AGO3: variants seen among roughly 807,000 people sequenced by gnomAD.
AGO3 encodes the protein argonaute RISC catalytic component 3.
Under a neutral mutation model 105.5 loss-of-function variants are expected in AGO3, and 16 were observed. The observed-to-expected ratio is 0.15, with a 90% confidence interval of 0.10 to 0.23. The LOEUF (loss-of-function observed/expected upper bound fraction) is 0.23. Ranked by LOEUF, AGO3 falls within the 10% of genes least tolerant of loss-of-function variation. AGO3 has a pLI of 1.00. For synonymous variants in AGO3, 340 were observed against 367.3 expected, an observed-to-expected ratio of 0.93 and a Z score of 0.85; for missense variants, 534 against 1,088.0, an observed-to-expected ratio of 0.49 and a Z score of 7.16.
intron 1 of AGO3, 76 bp downstream of exon 1, chr1:35,931,521 C>A: frequency 7.6e-7 from 1 of 1,315,074 alleles, no homozygotes; most frequent in Non-Finnish European, 9.8e-7. Context: ...TCCTCCCGCC[C>A]GGCCCAGGTG....
At chr1:35,953,892 A>G (rs1646518314) in intron 2 of AGO3, among the ~76,000 whole-genome samples, 1 of 152,156 alleles carries the variant, frequency 6.6e-6, no homozygotes, top group Admixed American at 6.6e-5. Flanking sequence ...AAAGTCCCTT[A>G]TTAGATATAT....
Position 35,991,476 on chromosome 1 carries a change from ATTTC to A in AGO3, c.659-12861_659-12858del, listed in dbSNP as rs544316740. On this transcript the variant is annotated intron_variant, in intron 5 of 18. Coordinates refer to ENST00000373191, the MANE Select transcript of AGO3 (RefSeq NM_024852.4). ...CCTTTTGTCTTTGTTCTATAATCTTATTTCTTTTTAAAAAATTTTCAGAATCTTC... is the reference window on the plus strand; with the variant it reads ...CCTTTTGTCTTTGTTCTATAATCTTATTTTTAAAAAATTTTCAGAATCTTC... Among the ~76,000 whole-genome samples the A allele has an allele frequency of 1.5e-3, 228 of 150,490 alleles. 1 individual carries two copies. Among genetic ancestry groups the A allele is most frequent in the African/African-American group, 3.8e-3 (155 of 41,110 alleles).
intron 17 of AGO3, among the ~76,000 whole-genome samples, chr1:36,043,871 AAGAG>A (rs779089418): frequency 5.9e-4 from 90 of 152,170 alleles, no homozygotes; most frequent in Non-Finnish European, 1.0e-3. Context: ...TTAAAAAAAA[AAGAG>A]AGAGAGAGAA....
At chr1:36,001,909 C>T (rs1056259462) in intron 5 of AGO3, among the ~76,000 whole-genome samples, 1 of 151,956 alleles carries the variant, frequency 6.6e-6, no homozygotes, top group African/African-American at 2.4e-5. Flanking sequence ...TATGATGAAA[C>T]TTTATTCATG....
rs778903917 is a variant in AGO3 at position 36,055,157 on chromosome 1, G to A, written c.2474+12G>A. ...AAAGAACATGACAGGTAATATAAAAGCATAACAGGTTCTCACCCAAATCCC... is the reference window on the plus strand; with the variant it reads ...AAAGAACATGACAGGTAATATAAAAACATAACAGGTTCTCACCCAAATCCC... On this transcript the variant is annotated intron_variant, in intron 18 of 18. Coordinates refer to ENST00000373191, the MANE Select transcript of AGO3 (RefSeq NM_024852.4). The surrounding 1 kb of genome is among the most constrained non-coding windows in gnomAD (Gnocchi z 4.4). The A allele has an allele frequency of 6.3e-7, 1 of 1,576,718 alleles. No homozygotes were observed. The highest frequency in any genetic ancestry group is 8.6e-7 in the Non-Finnish European group (1 of 1,159,628).
intron 12 of AGO3, among the ~76,000 whole-genome samples, chr1:36,028,959 G>T (rs1641641747): frequency 1.3e-5 from 2 of 152,144 alleles, no homozygotes; most frequent in African/African-American, 4.8e-5. Flanking sequence ...GGGATTACAG[G>T]TGTGAGCCAC....
intron 2 of AGO3, among the ~76,000 whole-genome samples, chr1:35,962,967 TA>T (rs1646705620): frequency 6.6e-6 from 1 of 152,220 alleles, no homozygotes; most frequent in African/African-American, 2.4e-5. Context: ...TTATACCGAT[TA>T]GGCTAACAAA....
At chr1:35,995,519 C>T (rs921149777) in intron 5 of AGO3, among the ~76,000 whole-genome samples, 2 of 151,984 alleles carry the variant, frequency 1.3e-5, no homozygotes, top group Admixed American at 1.3e-4. Context: ...TTAGTCTTCT[C>T]AGTAAATGAT....
intron 1 of AGO3, among the ~76,000 whole-genome samples, chr1:35,936,416 T>TTTTG (rs532714406): frequency 5.3e-5 from 8 of 152,172 alleles, no homozygotes; most frequent in Non-Finnish European, 7.3e-5. Flanking sequence ...ATTCCTTGTT[T>TTTTG]TTTGTTTGTT....
Position 35,966,937 on chromosome 1 carries a change from A to G in AGO3, c.192-18A>G. 5 of 1,597,948 alleles carry G rather than the reference A, an allele frequency of 3.1e-6. No homozygotes were observed. The highest frequency in any genetic ancestry group is 4.3e-6 in the Non-Finnish European group (5 of 1,174,622). On this transcript the variant is annotated intron_variant, in intron 2 of 18. Transcript: ENST00000373191. ...ATCTTACAGAGGATTATGTGAATAT[A>G]TTGTTTCCCTTCTTTAGGGAGGTGG...
intron 1 of AGO3, among the ~76,000 whole-genome samples, chr1:35,940,019 A>G (rs984057985): frequency 6.6e-6 from 1 of 152,124 alleles, no homozygotes; most frequent in African/African-American, 2.4e-5. Context: ...TCATTGTTCA[A>G]ATTTTTACTT....
chr1:36,020,973 C>T (rs1641189237), intron 11 of AGO3, among the ~76,000 whole-genome samples: 1 of 151,822 alleles, frequency 6.6e-6, no homozygotes. Flanking sequence ...CGTTCTGTCA[C>T]CCAGGCTGGA....
At chr1:35,995,852 A>G (rs1417172517) in intron 5 of AGO3, among the ~76,000 whole-genome samples, 2 of 152,006 alleles carry the variant, frequency 1.3e-5, no homozygotes, top group African/African-American at 4.8e-5. Context: ...TAATTTTTGT[A>G]GTTTTAGTAG....
chr1:36,020,700 C>T (rs1641173211), intron 11 of AGO3, among the ~76,000 whole-genome samples: 1 of 152,132 alleles, frequency 6.6e-6, no homozygotes, highest in Non-Finnish European at 1.5e-5. Flanking sequence ...ACTGCAACCT[C>T]CTCCTTCCTG....
At chr1:36,018,506 C>G (rs1641028669) in intron 11 of AGO3, among the ~76,000 whole-genome samples, 1 of 151,834 alleles carries the variant, frequency 6.6e-6, no homozygotes, top group Admixed American at 6.6e-5. Context: ...GATCTTGGCT[C>G]ACTGCAACCT....
intron 2 of AGO3, among the ~76,000 whole-genome samples, chr1:35,958,407 A>C (rs1646613155): frequency 6.6e-6 from 1 of 151,232 alleles, no homozygotes; most frequent in Non-Finnish European, 1.5e-5. Context: ...TTTTTGTTCT[A>C]CCCAGCACTT....
In AGO3 at chr1:35,973,379, A is replaced by G. The variant is rs1245078535; in HGVS notation, c.526A>G (p.Thr176Ala). The G allele has an allele frequency of 1.3e-6, 2 of 1,518,104 alleles. No homozygotes were observed. Among genetic ancestry groups the G allele is most frequent in the Admixed American group, 3.9e-5 (2 of 51,476 alleles). The allele number at this position is 1,518,104 out of a possible 1,614,324, so 94.0% of individuals were successfully genotyped here. A position where few individuals can be genotyped will look rare whatever the true frequency, so the allele number is the denominator to read the frequency against. ...VLRHLPSMKY[T>A]PVGRSFFSAP... ...ATGCCATTTTAATTTTTGTAGATACACACCTGTGGGGCGTTCATTTTTCTC... is the reference window on the plus strand; with the variant it reads ...ATGCCATTTTAATTTTTGTAGATACGCACCTGTGGGGCGTTCATTTTTCTC... Residue 176 changes from threonine (T) to alanine (A), a missense_variant, in exon 5 of 19, where the codon ACA becomes GCA. Physicochemically the swap from Thr to Ala is moderately conservative, Grantham distance 58 (BLOSUM62 0). Coordinates refer to ENST00000373191, the MANE Select transcript of AGO3 (RefSeq NM_024852.4).
chr1:36,010,557 A>G (rs1356884336), intron 9 of AGO3, among the ~76,000 whole-genome samples: 1 of 150,982 alleles, frequency 6.6e-6, no homozygotes, highest in Non-Finnish European at 1.5e-5. Flanking sequence ...TGAGCCGATC[A>G]CACCACTGCA....
intron 2 of AGO3, among the ~76,000 whole-genome samples, chr1:35,963,378 A>G (rs954621681): frequency 2.8e-5 from 4 of 144,986 alleles, no homozygotes; most frequent in African/African-American, 1.0e-4. Flanking sequence ...TAAATATACC[A>G]TAATAAATAT....
Sources: allele counts gnomAD v4.1 joint callset (sites outside exome capture counted in the v4.1 genomes callset), GRCh38; gene constraint gnomAD v4.1.1; non-coding constraint Gnocchi (gnomAD v3.1); transcripts MANE v1.5; gene names NCBI Gene and HGNC (gene_info 2026-07-23, HGNC 2026-07-21).